The following MCPH1 variants were observed in gnomAD, a reference collection of about 807,000 sequenced individuals.
MCPH1 encodes the protein microcephalin.
MCPH1 carries 104 observed loss-of-function variants against 84.5 expected under a neutral mutation model. The ratio of observed to expected loss-of-function variants is 1.23; its 90% CI spans 1.05 to 1.45. The LOEUF (loss-of-function observed/expected upper bound fraction) is 1.45, where lower values mean the gene tolerates loss of function less well. Ranked by LOEUF, MCPH1 falls within the 40% of genes most tolerant of loss-of-function variation. The pLI, the probability that MCPH1 is intolerant of heterozygous loss-of-function variation, is 0.00. For synonymous variants in MCPH1, 514 were observed against 366.8 expected, an observed-to-expected ratio of 1.40 and a Z score of -4.58; for missense variants, 1,498 against 1,005.7, an observed-to-expected ratio of 1.49 and a Z score of -6.62.
At chr8:6,620,749 C>T (rs547829296) in intron 12 of MCPH1, among the ~76,000 whole-genome samples, 1 of 152,320 alleles carries the variant, frequency 6.6e-6, no homozygotes, top group East Asian at 1.9e-4. Context: ...TTCAGAATAA[C>T]TGGGCCTTCC....
At chr8:6,409,600 T>C (rs1010078218) in intron 2 of MCPH1, among the ~76,000 whole-genome samples, 2 of 152,074 alleles carry the variant, frequency 1.3e-5, no homozygotes, top group African/African-American at 4.8e-5. Context: ...AAATGCTGGA[T>C]TCTTACACTG....
chr8:6,528,789 C>A (rs1818880824), intron 12 of MCPH1, among the ~76,000 whole-genome samples: 1 of 152,204 alleles, frequency 6.6e-6, no homozygotes, highest in African/African-American at 2.4e-5. Context: ...TCATTGTTTG[C>A]TGGTGTCTTT....
chr8:6,607,728 C>T (rs546187531), intron 12 of MCPH1, among the ~76,000 whole-genome samples: 2 of 152,344 alleles, frequency 1.3e-5, no homozygotes, highest in Middle Eastern at 3.4e-3. Flanking sequence ...AAATGCCTTT[C>T]ACTTGCTTCC....
At chr8:6,627,620 G>C (rs1290838738) in intron 13 of MCPH1, among the ~76,000 whole-genome samples, 1 of 152,214 alleles carries the variant, frequency 6.6e-6, no homozygotes, top group Non-Finnish European at 1.5e-5. Flanking sequence ...GCCAGGTGCG[G>C]TGGCCCATGC....
At chr8:6,543,893 C>T (rs967919911) in intron 12 of MCPH1, among the ~76,000 whole-genome samples, 6 of 152,206 alleles carry the variant, frequency 3.9e-5, no homozygotes, top group Admixed American at 6.5e-5. Flanking sequence ...GCTGAAAGGG[C>T]GCAATCTTTT....
Position 6,643,666 on chromosome 8 carries a change from G to C in MCPH1, c.*617G>C, listed in dbSNP as rs1034056162. 2 of 155,102 alleles carry C rather than the reference G, an allele frequency of 1.3e-5. No homozygotes were observed. 9.6% of individuals were successfully genotyped at this position (155,102 alleles called of 1,614,324 possible). On this transcript the variant is annotated 3_prime_UTR_variant, in exon 14 of 14. Coordinates refer to ENST00000344683, the MANE Select transcript of MCPH1 (RefSeq NM_024596.5). ...TGAGAACAACTAGAGAACTCTGCAA[G>C]TTTCTTGGCTTAGACTCGATCTTTA... is the stretch of plus-strand genomic sequence containing the variant.
intron 3 of MCPH1, among the ~76,000 whole-genome samples, chr8:6,423,289 T>C (rs750225233): frequency 2.9e-4 from 42 of 144,630 alleles, no homozygotes; most frequent in Non-Finnish European, 4.7e-4. Flanking sequence ...CTCAGCCTCC[T>C]GAGTAGCTGG....
intron 9 of MCPH1, among the ~76,000 whole-genome samples, chr8:6,466,839 G>C (rs1267909160): frequency 6.6e-6 from 1 of 152,182 alleles, no homozygotes; most frequent in African/African-American, 2.4e-5. Context: ...GCCTTCCAAA[G>C]TGCTGGGATT....
intron 12 of MCPH1, among the ~76,000 whole-genome samples, chr8:6,503,928 C>G (rs1030688796): frequency 6.6e-6 from 1 of 152,172 alleles, no homozygotes; most frequent in Non-Finnish European, 1.5e-5. Flanking sequence ...GAAAGAAACA[C>G]AGTAGTCCCC....
chr8:6,515,380 C>G (rs1816051526), intron 12 of MCPH1, among the ~76,000 whole-genome samples: 1 of 152,150 alleles, frequency 6.6e-6, no homozygotes, highest in Non-Finnish European at 1.5e-5. Context: ...GCTCCAGTGT[C>G]CTGGTGCAAG....
intron 3 of MCPH1, among the ~76,000 whole-genome samples, chr8:6,421,224 C>T (rs944505598): frequency 6.6e-6 from 1 of 152,184 alleles, no homozygotes. Flanking sequence ...TCAGTTAACA[C>T]TTTAGCACAA....
intron 13 of MCPH1, among the ~76,000 whole-genome samples, chr8:6,638,140 C>A (rs751814655): frequency 5.3e-5 from 8 of 150,278 alleles, no homozygotes; most frequent in Non-Finnish European, 1.0e-4. Flanking sequence ...CAGCTCTGGG[C>A]TCATTATGAG....
intron 9 of MCPH1, among the ~76,000 whole-genome samples, chr8:6,459,590 C>A (rs1212609442): frequency 6.6e-6 from 1 of 152,164 alleles, no homozygotes; most frequent in African/African-American, 2.4e-5. Context: ...GAAGCAATGC[C>A]TCTACTAGAA....
intron 12 of MCPH1, among the ~76,000 whole-genome samples, chr8:6,594,300 G>A (rs1319098033): frequency 6.6e-6 from 1 of 152,222 alleles, no homozygotes; most frequent in Non-Finnish European, 1.5e-5. Context: ...CCGGGTGAGA[G>A]TGGAATGAGT....
At chr8:6,463,083 G>A (rs1806462493) in intron 9 of MCPH1, among the ~76,000 whole-genome samples, 1 of 152,198 alleles carries the variant, frequency 6.6e-6, no homozygotes, top group African/African-American at 2.4e-5. Flanking sequence ...CTTGGGCAGG[G>A]GGTGAGTATA....
At chr8:6,546,112 G>A (rs957203572) in intron 12 of MCPH1, among the ~76,000 whole-genome samples, 1 of 152,166 alleles carries the variant, frequency 6.6e-6, no homozygotes, top group African/African-American at 2.4e-5. Context: ...TTTCTGGTTG[G>A]TAAAACAGGT....
Position 6,409,268 on chromosome 8 carries a change from C to T in MCPH1, c.23-11C>T. On this transcript the variant is annotated splice_polypyrimidine_tract_variant and intron_variant, in intron 1 of 13. Coordinates refer to ENST00000344683, the MANE Select transcript of MCPH1 (RefSeq NM_024596.5). ...TCAAATGTATGTTTCATGTTCATAT[C>T]TTGTTTTCAGATGTAGTGGCCTATG... 1.2e-6 allele frequency: 2 copies of T among 1,602,144 alleles called. No individual in the cohort carries two copies. The highest frequency in any genetic ancestry group is 1.7e-6 in the Non-Finnish European group (2 of 1,169,054).
At chr8:6,485,052 T>G (rs1038470257) in intron 11 of MCPH1, among the ~76,000 whole-genome samples, 4 of 152,052 alleles carry the variant, frequency 2.6e-5, no homozygotes, top group African/African-American at 9.7e-5. Context: ...CTAGGCGGGG[T>G]GCAGTGGCTC....
At chr8:6,641,651 G>A (rs80115559) in intron 13 of MCPH1, among the ~76,000 whole-genome samples, 7,772 of 152,242 alleles carry the variant, frequency 0.051, 284 homozygotes, top group Non-Finnish European at 0.076. Context: ...AGCTGAGTCT[G>A]GAGGATCACC....
Sources: gnomAD v4.1 joint callset for allele counts (sites outside exome capture counted in the v4.1 genomes callset) on GRCh38, gnomAD v4.1.1 for gene constraint, MANE v1.5 for transcripts, NCBI Gene and HGNC (gene_info 2026-07-23, HGNC 2026-07-21) for gene names.